The following GRID2 variants were observed in gnomAD, a reference collection of about 807,000 sequenced individuals.
GRID2 encodes glutamate receptor ionotropic, delta-2.
GRID2 carries 33 observed loss-of-function variants against 114.8 expected under a neutral mutation model. The ratio of observed to expected loss-of-function variants is 0.29; its 90% CI spans 0.22 to 0.38. The LOEUF (loss-of-function observed/expected upper bound fraction) is 0.38. GRID2 is among the 10% of genes least tolerant of loss of function. The probability of loss-of-function intolerance (pLI) is 1.00; values close to 1 mark genes in which losing one functional copy is unlikely to be tolerated. For missense variants in GRID2, 1,184 were observed against 1,257.7 expected, an observed-to-expected ratio of 0.94 and a Z score of 0.89; for synonymous variants, 505 against 449.9, an observed-to-expected ratio of 1.12 and a Z score of -1.55.
chr4:92,740,321 T>C (rs1034890154), intron 2 of GRID2, among the ~76,000 whole-genome samples: 1 of 152,154 alleles, frequency 6.6e-6, no homozygotes, highest in African/African-American at 2.4e-5. Flanking sequence ...CTTTCTGCAT[T>C]TTTCTTTATG....
chr4:93,479,017 G>A (rs979523738), intron 11 of GRID2, among the ~76,000 whole-genome samples: 3 of 152,048 alleles, frequency 2.0e-5, no homozygotes, highest in African/African-American at 7.2e-5. Flanking sequence ...GATACATAGA[G>A]GCGTGCATTG....
At chr4:92,548,421 A>ATTTTTTTTTTTTTTT in intron 1 of GRID2, among the ~76,000 whole-genome samples, 1 of 1,706 alleles carries the variant, frequency 5.9e-4, no homozygotes, top group Non-Finnish European at 1.7e-3. Flanking sequence ...TTTTTTTTTG[A>ATTTTTTTTTTTTTTT]GACAGAGTCT....
Position 93,769,339 on chromosome 4 carries a change from C to A in GRID2, c.2490C>A (p.Ser830Arg), listed in dbSNP as rs377339263. 237 of 1,613,972 alleles carry A rather than the reference C, an allele frequency of 1.5e-4. No individual in the cohort carries two copies. Among genetic ancestry groups the A allele is most frequent in the Non-Finnish European group, 1.7e-4 (206 of 1,179,988 alleles). ...KQKGGALDIK[S>R]FAGVFCILAA... ...AAGGAGGCGCCCTGGACATAAAGAG[C>A]TTTGCAGGGGTCTTTTGTATCCTGG... Residue 830 changes from serine (S) to arginine (R), a missense_variant, in exon 15 of 16, where the codon AGC becomes AGA. Ser to Arg is a moderately radical substitution (Grantham distance 110). This residue lies in a region of GRID2 where 717 missense variants were observed against 796.9 expected (regional missense o/e 0.90). Coordinates refer to ENST00000282020, the MANE Select transcript of GRID2 (RefSeq NM_001510.4).
At chr4:92,322,786 C>T (rs982634293) in intron 1 of GRID2, among the ~76,000 whole-genome samples, 3 of 152,066 alleles carry the variant, frequency 2.0e-5, no homozygotes, top group Non-Finnish European at 4.4e-5. Context: ...ATTAAAGAAA[C>T]AAATTATATT....
At chr4:93,069,200 G>C (rs1728588008) in intron 2 of GRID2, among the ~76,000 whole-genome samples, 1 of 151,248 alleles carries the variant, frequency 6.6e-6, no homozygotes, top group South Asian at 2.1e-4. Context: ...TTTGGGTGGG[G>C]ACAACATCCA....
At chr4:92,887,582 T>A (rs1015568016) in intron 2 of GRID2, among the ~76,000 whole-genome samples, 1 of 152,258 alleles carries the variant, frequency 6.6e-6, no homozygotes, top group East Asian at 1.9e-4. Flanking sequence ...CTGCCTCTAA[T>A]TGCATGATGG....
At chr4:93,369,143 A>G (rs1458867874) in intron 8 of GRID2, among the ~76,000 whole-genome samples, 1 of 152,062 alleles carries the variant, frequency 6.6e-6, no homozygotes, top group Non-Finnish European at 1.5e-5. Context: ...ACTCCCCCTA[A>G]AGGCTTTGGG....
chr4:93,203,255 T>C (rs1742301963), intron 4 of GRID2, among the ~76,000 whole-genome samples: 2 of 152,190 alleles, frequency 1.3e-5, no homozygotes, highest in Non-Finnish European at 2.9e-5. Context: ...ATAACCCTTG[T>C]TTAGTGAATA....
intron 2 of GRID2, among the ~76,000 whole-genome samples, chr4:93,070,772 A>G (rs187483880): frequency 2.8e-4 from 42 of 152,230 alleles, no homozygotes; most frequent in African/African-American, 8.9e-4. Flanking sequence ...TTACAAGATC[A>G]TTTTAGTCAA....
At chr4:93,748,627 T>C (rs761528165) in intron 14 of GRID2, among the ~76,000 whole-genome samples, 48 of 152,318 alleles carry the variant, frequency 3.2e-4, no homozygotes, top group Non-Finnish European at 6.3e-4. Context: ...TAAAGGCATG[T>C]GTGTAACATA....
At chr4:93,165,121 A>G (rs1486885310) in intron 4 of GRID2, among the ~76,000 whole-genome samples, 1 of 152,112 alleles carries the variant, frequency 6.6e-6, no homozygotes, top group Non-Finnish European at 1.5e-5. Flanking sequence ...AGGGTTTAAC[A>G]CAGTGCCTAA....
chr4:92,767,464 T>C (rs1356427287), intron 2 of GRID2, among the ~76,000 whole-genome samples: 2 of 152,166 alleles, frequency 1.3e-5, no homozygotes, highest in Non-Finnish European at 2.9e-5. Context: ...TGTATAATAG[T>C]AATGATACTA....
intron 2 of GRID2, among the ~76,000 whole-genome samples, chr4:92,623,092 T>C (rs920909889): frequency 1.3e-5 from 2 of 151,674 alleles, no homozygotes; most frequent in Non-Finnish European, 1.5e-5. Context: ...TATAAAAAAC[T>C]AATAAAATTT....
intron 2 of GRID2, among the ~76,000 whole-genome samples, chr4:92,811,399 C>A (rs1740657213): frequency 6.6e-6 from 1 of 151,948 alleles, no homozygotes; most frequent in South Asian, 2.1e-4. Flanking sequence ...AAATTGCTTT[C>A]TTTACTGTTT....
At chr4:92,614,394 T>G (rs1729903436) in intron 2 of GRID2, among the ~76,000 whole-genome samples, 1 of 151,682 alleles carries the variant, frequency 6.6e-6, no homozygotes, top group South Asian at 2.1e-4. Context: ...CTGCTTTACC[T>G]GATTGCTATA....
At chr4:92,661,261 CTAATTA>C (rs967498426) in intron 2 of GRID2, among the ~76,000 whole-genome samples, 1 of 150,844 alleles carries the variant, frequency 6.6e-6, no homozygotes, top group African/African-American at 2.4e-5. Flanking sequence ...AAAGTTATAT[CTAATTA>C]TAATTATGAC....
chr4:92,561,661 T>G (rs1384384175), intron 1 of GRID2, among the ~76,000 whole-genome samples: 4 of 152,230 alleles, frequency 2.6e-5, no homozygotes, highest in Non-Finnish European at 4.4e-5. Flanking sequence ...GTGGCTACAT[T>G]GTTTAGCATT....
chr4:93,335,690 C>T (rs28557027), intron 8 of GRID2, among the ~76,000 whole-genome samples: 17,903 of 106,374 alleles, frequency 0.17, 2,270 homozygotes, highest in African/African-American at 0.46. Context: ...TTTCTTTCTT[C>T]TTTCTTTTTT....
intron 2 of GRID2, among the ~76,000 whole-genome samples, chr4:92,874,858 A>T (rs1658366047): frequency 6.6e-6 from 1 of 152,208 alleles, no homozygotes; most frequent in South Asian, 2.1e-4. Flanking sequence ...ATTAATTTTA[A>T]GTATTTCAAA....
Sources: allele counts gnomAD v4.1 joint callset (sites outside exome capture counted in the v4.1 genomes callset), GRCh38; gene constraint gnomAD v4.1.1; regional missense constraint gnomAD v4.1.1; transcripts MANE v1.5; gene names NCBI Gene and HGNC (gene_info 2026-07-23, HGNC 2026-07-21).